RNF180: variants seen among roughly 807,000 people sequenced by gnomAD.
RNF180 encodes the protein E3 ubiquitin-protein ligase RNF180.
Under a neutral mutation model 59.2 loss-of-function variants are expected in RNF180, and 38 were observed. That is an observed-to-expected ratio of 0.64 (90% CI 0.50 to 0.84). The LOEUF (loss-of-function observed/expected upper bound fraction) is 0.84, where lower values mean the gene tolerates loss of function less well. Among genes scored for constraint, RNF180 ranks in the 40% least tolerant of loss-of-function variants. RNF180 has a pLI of 0.00. For synonymous variants in RNF180, 262 were observed against 240.3 expected (o/e 1.09, Z -0.84); for missense variants, 705 against 700.9 (o/e 1.01, Z -0.07).
intron 7 of RNF180, among the ~76,000 whole-genome samples, chr5:64,339,084 G>T (rs1267479606): frequency 1.3e-5 from 2 of 151,026 alleles, no homozygotes; most frequent in Non-Finnish European, 3.0e-5. Flanking sequence ...ATTTTAATCT[G>T]TCTTGTATAT....
At chr5:64,327,717 T>C (rs1267349516) in intron 6 of RNF180, among the ~76,000 whole-genome samples, 3 of 152,172 alleles carry the variant, frequency 2.0e-5, no homozygotes, top group African/African-American at 7.2e-5. Flanking sequence ...GAATGGTCCA[T>C]GTGCTGATGA....
chr5:64,203,847 CAT>C lies in RNF180; in HGVS notation c.135+2908_135+2909del, dbSNP rs546955034. On this transcript the variant is annotated intron_variant, in intron 2 of 7. Transcript: ENST00000389100. The stretch of plus-strand genomic sequence containing the variant: ...TTTTCTTTAAATTCCCTTTATAAAA[CAT>C]ATTTTATATTTTATAAATCTGTATA... 2.4e-3 allele frequency among the ~76,000 whole-genome samples: 366 copies of C among 151,948 alleles called. 1 individual carries two copies. The highest frequency in any genetic ancestry group is 8.6e-3 in the African/African-American group (355 of 41,482).
chr5:64,362,709 G>A (rs1479073452), intron 7 of RNF180, among the ~76,000 whole-genome samples: 1 of 151,828 alleles, frequency 6.6e-6, no homozygotes, highest in Non-Finnish European at 1.5e-5. Context: ...CCCATCAACA[G>A]TGTATAAGCA....
intron 7 of RNF180, among the ~76,000 whole-genome samples, chr5:64,344,766 C>T (rs994197286): frequency 6.6e-6 from 1 of 151,890 alleles, no homozygotes; most frequent in African/African-American, 2.4e-5. Context: ...TGTTCTCATT[C>T]TCTTCTGCTT....
chr5:64,366,739 C>A (rs975135785), intron 7 of RNF180, among the ~76,000 whole-genome samples: 2 of 151,322 alleles, frequency 1.3e-5, no homozygotes, highest in African/African-American at 4.8e-5. Flanking sequence ...ATATGGGACA[C>A]CATAAAGTGA....
In RNF180 at chr5:64,369,643, A is replaced by G; in HGVS notation, c.1608A>G (p.Thr536=). 6.6e-7 allele frequency: 1 copy of G among 1,526,138 alleles called. No individual in the cohort carries two copies. The highest frequency in any genetic ancestry group is 8.8e-7 in the Non-Finnish European group (1 of 1,138,810). The allele number at this position is 1,526,138 out of a possible 1,614,324, so 94.5% of individuals were successfully genotyped here. A position where few individuals can be genotyped will look rare whatever the true frequency, so the allele number is the denominator to read the frequency against. ...GGFRRHAAPV[T]RRQFPHGAHR... ...TCCGCAGACATGCAGCTCCAGTTAC[A>G]AGAAGGCAGTTCCCACACGGTGCAC... Residue 536 remains threonine, a synonymous_variant, in exon 8 of 8, where the codon ACA becomes ACG. Transcript: ENST00000389100.
chr5:64,331,869 TC>T (rs899498817), intron 7 of RNF180, among the ~76,000 whole-genome samples: 1 of 152,086 alleles, frequency 6.6e-6, no homozygotes, highest in Non-Finnish European at 1.5e-5. Flanking sequence ...GTTCTGCAGT[TC>T]CTGGAGTCTC....
chr5:64,304,373 G>A (rs1743325654), intron 5 of RNF180, among the ~76,000 whole-genome samples: 1 of 151,568 alleles, frequency 6.6e-6, no homozygotes. Context: ...TCTGGGCAAA[G>A]CACATGGAAA....
intron 5 of RNF180, among the ~76,000 whole-genome samples, chr5:64,220,887 C>A (rs2112150974): frequency 1.3e-5 from 2 of 152,076 alleles, no homozygotes; most frequent in South Asian, 4.1e-4. Context: ...ACATTATTTT[C>A]AGTGAGCTAA....
intron 5 of RNF180, among the ~76,000 whole-genome samples, chr5:64,239,320 CT>C (rs1461615997): frequency 1.3e-5 from 2 of 152,078 alleles, no homozygotes; most frequent in African/African-American, 4.8e-5. Context: ...GACTCATATG[CT>C]CTTTAATGTT....
At chr5:64,288,504 G>A (rs530665980) in intron 5 of RNF180, among the ~76,000 whole-genome samples, 4 of 152,126 alleles carry the variant, frequency 2.6e-5, no homozygotes, top group South Asian at 2.1e-4. Flanking sequence ...CCATTTTCAC[G>A]ATATGATTCT....
intron 5 of RNF180, among the ~76,000 whole-genome samples, chr5:64,241,459 C>G (rs1298366436): frequency 6.6e-6 from 1 of 152,152 alleles, no homozygotes; most frequent in East Asian, 1.9e-4. Flanking sequence ...GGAAGCCAGT[C>G]TTGCAGCCTA....
At chr5:64,324,512 T>A (rs749188798) in intron 5 of RNF180, among the ~76,000 whole-genome samples, 2 of 152,224 alleles carry the variant, frequency 1.3e-5, no homozygotes, top group Admixed American at 1.3e-4. Context: ...ATCATCGTTA[T>A]AACAAGACAA....
chr5:64,342,429 C>T (rs1745391143), intron 7 of RNF180, among the ~76,000 whole-genome samples: 2 of 151,956 alleles, frequency 1.3e-5, no homozygotes, highest in African/African-American at 4.8e-5. Context: ...ACTGACATGT[C>T]GGATTGGAAG....
intron 1 of RNF180, among the ~76,000 whole-genome samples, chr5:64,177,664 T>TA (rs1312502365): frequency 1.3e-5 from 2 of 151,436 alleles, no homozygotes; most frequent in Non-Finnish European, 2.9e-5. Context: ...AGAAATTTAT[T>TA]ACTCTGATAC....
At chr5:64,177,566 T>TATATAC (rs1750322019) in intron 1 of RNF180, among the ~76,000 whole-genome samples, 1 of 138,744 alleles carries the variant, frequency 7.2e-6, no homozygotes, top group Non-Finnish European at 1.6e-5. Context: ...TATATATATA[T>TATATAC]GTATTTATTT....
intron 5 of RNF180, among the ~76,000 whole-genome samples, chr5:64,256,211 C>T (rs1393256674): frequency 1.3e-5 from 2 of 152,086 alleles, no homozygotes; most frequent in African/African-American, 2.4e-5. Context: ...TTAATTAGAT[C>T]CCATTTGTCA....
At chr5:64,359,719 G>A (rs1403555063) in intron 7 of RNF180, among the ~76,000 whole-genome samples, 2 of 151,908 alleles carry the variant, frequency 1.3e-5, no homozygotes, top group Non-Finnish European at 2.9e-5. Flanking sequence ...CCATGCCTAT[G>A]TCCTGAATGG....
chr5:64,165,598 T>A (rs563366020), upstream of RNF180, among the ~76,000 whole-genome samples: 48 of 152,272 alleles, frequency 3.2e-4, no homozygotes, highest in South Asian at 9.7e-3. Context: ...GGTAAGGGGA[T>A]GACAAGGGAG....
Sources: gnomAD v4.1 joint callset for allele counts (sites outside exome capture counted in the v4.1 genomes callset) on GRCh38, gnomAD v4.1.1 for gene constraint, MANE v1.5 for transcripts, NCBI Gene and HGNC (gene_info 2026-07-23, HGNC 2026-07-21) for gene names.